Variants in DFFB observed in about 807,000 individuals in gnomAD.
DFFB encodes DNA fragmentation factor 40 kDa subunit.
Under a neutral mutation model 32.7 loss-of-function variants are expected in DFFB, and 29 were observed. The ratio of observed to expected loss-of-function variants is 0.89; its 90% CI spans 0.66 to 1.21. The LOEUF (loss-of-function observed/expected upper bound fraction) is 1.21. DFFB is among the 50% of genes most tolerant of loss of function. The probability of loss-of-function intolerance (pLI) is 0.00; values close to 1 mark genes in which losing one functional copy is unlikely to be tolerated. For synonymous variants in DFFB, 170 were observed against 177.1 expected (o/e 0.96, Z 0.32); for missense variants, 398 against 440.6 (o/e 0.90, Z 0.87).
intron 6 of DFFB, among the ~76,000 whole-genome samples, chr1:3,881,853 G>A (rs1283251094): frequency 2.7e-5 from 4 of 145,930 alleles, no homozygotes; most frequent in Non-Finnish European, 4.5e-5. Context: ...CTGGGTGACA[G>A]AGCAAGACTC....
Position 3,858,861 on chromosome 1 carries a change from T to G in DFFB, c.241+17T>G, listed in dbSNP as rs1010798173. 6.8e-6 allele frequency: 11 copies of G among 1,611,816 alleles called. No individual in the cohort carries two copies. The highest frequency in any genetic ancestry group is 9.3e-6 in the Non-Finnish European group (11 of 1,179,806). ...GGCAGGGCTGTGAGTGGCAAGGACT[T>G]TGGAGGTGGGCGGGAAGCTGGCACT... On this transcript the variant is annotated intron_variant, in intron 2 of 6. Coordinates refer to ENST00000378209, the MANE Select transcript of DFFB (RefSeq NM_004402.4).
chr1:3,869,845 C>A, intron 5 of DFFB, 70 bp downstream of exon 5: 1 of 1,471,032 alleles, frequency 6.8e-7, no homozygotes. Flanking sequence ...TGGGGCGAGG[C>A]GGGTGGGGAC....
intron 5 of DFFB, among the ~76,000 whole-genome samples, chr1:3,870,153 G>A (rs781215882): frequency 2.6e-5 from 4 of 152,208 alleles, no homozygotes; most frequent in African/African-American, 4.8e-5. Flanking sequence ...GCACTCCCCC[G>A]CTGCCTTCCC....
At chr1:3,871,265 A>T (rs919176332) in intron 5 of DFFB, among the ~76,000 whole-genome samples, 2 of 151,774 alleles carry the variant, frequency 1.3e-5, no homozygotes, top group African/African-American at 4.9e-5. Context: ...AAAAAGAAGG[A>T]TCTGATTCCA....
In DFFB at chr1:3,883,787, C is replaced by T. The variant is rs559180663; in HGVS notation, c.*46C>T. 6.5e-7 allele frequency: 1 copy of T among 1,548,994 alleles called. No homozygotes were observed. Among genetic ancestry groups the T allele is most frequent in the African/African-American group, 1.4e-5 (1 of 73,054 alleles). ...GTCTTTGTTTGAGGCCTGACGTGGG[C>T]ATCATTTTAACAGGTGCCTTTTTTG... On this transcript the variant is annotated 3_prime_UTR_variant, in exon 7 of 7. Transcript: ENST00000378209.
At position 3,857,637 on chromosome 1, in the gene DFFB, G is replaced by C. The variant is rs765684033; in HGVS notation, c.34G>C (p.Ala12Pro). The C allele has an allele frequency of 1.2e-6, 2 of 1,601,434 alleles. No individual in the cohort carries two copies. The highest frequency in any genetic ancestry group is 2.2e-5 in the South Asian group (2 of 89,052). Reference protein sequence around the residue: ...LQKPKSVKLRALRSPRKFGVA... With the variant: ...LQKPKSVKLRPLRSPRKFGVA... ...GAAGCCCAAGAGCGTGAAGCTGCGG[G>C]CCCTGCGCAGCCCGAGGAAGTTCGG... Residue 12 changes from alanine to proline, a missense_variant, in exon 1 of 7, where the codon GCC becomes CCC. Coordinates refer to ENST00000378209, the MANE Select transcript of DFFB (RefSeq NM_004402.4).
chr1:3,878,413 A>G (rs192862831), intron 6 of DFFB, among the ~76,000 whole-genome samples: 1 of 152,184 alleles, frequency 6.6e-6, no homozygotes, highest in East Asian at 1.9e-4. Flanking sequence ...CAGCCTCCCA[A>G]AGCGCTGGGG....
chr1:3,881,568 A>T lies in DFFB; in HGVS notation c.783-1939A>T, dbSNP rs1459651213. On this transcript the variant is annotated intron_variant, in intron 6 of 6. Coordinates refer to ENST00000378209, the MANE Select transcript of DFFB (RefSeq NM_004402.4). ...GGGGAGCCCCTTTCTTTTGATCTCA[A>T]CTAAGTATTTTAACAAGGTGACTTT... Among the ~76,000 whole-genome samples the T allele has an allele frequency of 3.3e-5, 5 of 152,162 alleles. No individual in the cohort carries two copies. The East Asian group carries it at 9.6e-4, about 29-fold the overall frequency.
At chr1:3,862,349 A>C (rs1644893801) in intron 2 of DFFB, among the ~76,000 whole-genome samples, 1 of 152,210 alleles carries the variant, frequency 6.6e-6, no homozygotes, top group African/African-American at 2.4e-5. Context: ...TCATTGTAGA[A>C]ATTGACATGC....
chr1:3,864,990 A>C (rs1644948093), intron 2 of DFFB, among the ~76,000 whole-genome samples: 1 of 152,134 alleles, frequency 6.6e-6, no homozygotes, highest in African/African-American at 2.4e-5. Context: ...CTCACCCCAC[A>C]AACAAAATAC....
intron 3 of DFFB, among the ~76,000 whole-genome samples, chr1:3,866,932 G>T (rs1200376853): frequency 6.6e-6 from 1 of 152,122 alleles, no homozygotes; most frequent in African/African-American, 2.4e-5. Context: ...GTCTTGCTCT[G>T]TTGCCCAGGC....
intron 5 of DFFB, among the ~76,000 whole-genome samples, chr1:3,872,106 A>T (rs1001840877): frequency 6.6e-6 from 1 of 152,202 alleles, no homozygotes; most frequent in Non-Finnish European, 1.5e-5. Context: ...TCACTCGGTG[A>T]CTGAGACTGT....
chr1:3,865,649 G>A lies in DFFB; in HGVS notation c.242-163G>A, dbSNP rs1022156310. 3.8e-6 allele frequency: 4 copies of A among 1,048,064 alleles called. No individual in the cohort carries two copies. The highest frequency in any genetic ancestry group is 4.5e-6 in the Non-Finnish European group (3 of 670,024). 64.9% of individuals were successfully genotyped at this position (1,048,064 alleles called of 1,614,324 possible). On this transcript the variant is annotated intron_variant, in intron 2 of 6. Coordinates refer to ENST00000378209, the MANE Select transcript of DFFB (RefSeq NM_004402.4). The surrounding 1 kb of genome is among the most constrained non-coding windows in gnomAD (Gnocchi z 4.7). ...CCTTGTGCGTGGTCCCCAGCTGTTGGTGTCAGGGCAAGGACAAAGACCCGG... is the reference window on the plus strand; with the variant it reads ...CCTTGTGCGTGGTCCCCAGCTGTTGATGTCAGGGCAAGGACAAAGACCCGG...
intron 5 of DFFB, among the ~76,000 whole-genome samples, 160 bp from the exon 6 acceptor site, chr1:3,872,312 C>T (rs1226354961): frequency 6.6e-6 from 1 of 151,934 alleles, no homozygotes; most frequent in Non-Finnish European, 1.5e-5. Flanking sequence ...ACTCGGGAGG[C>T]TGAGGCAGGA....
Position 3,875,362 on chromosome 1 carries a change from C to T in DFFB, c.782+2790C>T, listed in dbSNP as rs928726804. Among the ~76,000 whole-genome samples the T allele has an allele frequency of 1.1e-4, 17 of 152,150 alleles. 1 individual carries two copies. The highest frequency in any genetic ancestry group is 8.3e-4 in the South Asian group (4 of 4,828). ...CCAGGTGCCTGGGGATTGGGGTGTG[C>T]GTCCCAGCATGGACAAGATGCCCCA... On this transcript the variant is annotated intron_variant, in intron 6 of 6. Transcript: ENST00000378209.
At chr1:3,875,310 GATTCTCAGGCC>G (rs1645201229) in intron 6 of DFFB, among the ~76,000 whole-genome samples, 1 of 152,178 alleles carries the variant, frequency 6.6e-6, no homozygotes, top group Admixed American at 6.5e-5. Context: ...TGGGAATTCA[GATTCTCAGGCC>G]CCATCCAGAC....
intron 6 of DFFB, among the ~76,000 whole-genome samples, chr1:3,873,999 C>T (rs1354795913): frequency 6.7e-6 from 1 of 150,050 alleles, no homozygotes; most frequent in African/African-American, 2.4e-5. Flanking sequence ...CTACACCTTG[C>T]CCCGAGGGAA....
At chr1:3,879,285 C>T (rs547644198) in intron 6 of DFFB, among the ~76,000 whole-genome samples, 18 of 152,228 alleles carry the variant, frequency 1.2e-4, no homozygotes, top group East Asian at 5.8e-4. Context: ...TGCGGTTTTC[C>T]GGGAGCGCCT....
At position 3,865,455 on chromosome 1, in the gene DFFB, A is replaced by G. The variant is rs1454276262; in HGVS notation, c.242-357A>G. On this transcript the variant is annotated intron_variant, in intron 2 of 6. Coordinates refer to ENST00000378209, the MANE Select transcript of DFFB (RefSeq NM_004402.4). The surrounding 1 kb of genome is among the most constrained non-coding windows in gnomAD (Gnocchi z 4.7). ...TTGTGAAAAGGCTCCAGGAGAGAGT[A>G]GGAAAAGTGATCGGAAGGATCTGAA... 6.6e-6 allele frequency among the ~76,000 whole-genome samples: 1 copy of G among 152,146 alleles called. No homozygotes were observed. Among genetic ancestry groups the G allele is most frequent in the African/African-American group, 2.4e-5 (1 of 41,424 alleles).
Sources: allele counts gnomAD v4.1 joint callset (sites outside exome capture counted in the v4.1 genomes callset), GRCh38; gene constraint gnomAD v4.1.1; non-coding constraint Gnocchi (gnomAD v3.1); transcripts MANE v1.5; gene names NCBI Gene and HGNC (gene_info 2026-07-23, HGNC 2026-07-21).